ST6GALNAC3: variants seen among roughly 807,000 people sequenced by gnomAD.
ST6GALNAC3 encodes ST6 N-acetylgalactosaminide alpha-2,6-sialyltransferase 3.
A neutral mutation model predicts 32.7 loss-of-function variants in ST6GALNAC3; 25 were observed. That is an observed-to-expected ratio of 0.76 (90% CI 0.56 to 1.07). ST6GALNAC3 has a LOEUF of 1.07. ST6GALNAC3 is among the 50% of genes least tolerant of loss of function. The pLI is 0.00. For missense variants in ST6GALNAC3, 355 were observed against 382.4 expected, an observed-to-expected ratio of 0.93 and a Z score of 0.60; for synonymous variants, 129 against 133.1, an observed-to-expected ratio of 0.97 and a Z score of 0.21.
intron 1 of ST6GALNAC3, among the ~76,000 whole-genome samples, chr1:76,293,044 CT>C (rs1354851197): frequency 6.6e-6 from 1 of 152,162 alleles, no homozygotes; most frequent in Non-Finnish European, 1.5e-5. Flanking sequence ...TTTTCTTAAG[CT>C]GCCATGTCAA....
At position 76,090,892 on chromosome 1, in the gene ST6GALNAC3, G is replaced by A. The variant is rs529278595; in HGVS notation, c.18+16008G>A. On this transcript the variant is annotated intron_variant, in intron 1 of 4. Coordinates refer to ENST00000328299, the MANE Select transcript of ST6GALNAC3 (RefSeq NM_152996.4). Reference sequence around the variant, plus strand: ...AAACTAAACGTAATGGAGCCACTGAGCTGAGGAGTAGAATATTCTTCTATT... The same window carrying A: ...AAACTAAACGTAATGGAGCCACTGAACTGAGGAGTAGAATATTCTTCTATT... Among the ~76,000 whole-genome samples, 10 of 152,346 alleles carry A rather than the reference G, an allele frequency of 6.6e-5. No homozygotes were observed. In the South Asian group the frequency reaches 2.1e-3, roughly 32 times the overall value.
intron 1 of ST6GALNAC3, among the ~76,000 whole-genome samples, chr1:76,167,053 G>C (rs941399009): frequency 6.6e-6 from 1 of 152,190 alleles, no homozygotes; most frequent in Non-Finnish European, 1.5e-5. Context: ...AGAGTGGTGA[G>C]AGAGGGCATC....
chr1:76,412,461 T>G (rs1163505684), intron 3 of ST6GALNAC3, 44 bp downstream of exon 3: 1 of 1,530,916 alleles, frequency 6.5e-7, no homozygotes, highest in African/African-American at 1.4e-5. Flanking sequence ...TATTATCTTT[T>G]ATGCTAAATC....
At chr1:76,415,845 C>T (rs1654583205) in intron 3 of ST6GALNAC3, among the ~76,000 whole-genome samples, 1 of 152,014 alleles carries the variant, frequency 6.6e-6, no homozygotes, top group Non-Finnish European at 1.5e-5. Context: ...AGTATGTAAA[C>T]AATATATACT....
chr1:76,137,533 A>C (rs980924648), intron 1 of ST6GALNAC3, among the ~76,000 whole-genome samples: 2 of 152,224 alleles, frequency 1.3e-5, no homozygotes, highest in Non-Finnish European at 2.9e-5. Context: ...ATTTTGTTCA[A>C]AGTAGAAATT....
intron 3 of ST6GALNAC3, among the ~76,000 whole-genome samples, chr1:76,572,681 CAT>C: frequency 6.6e-6 from 1 of 152,224 alleles, no homozygotes; most frequent in Admixed American, 6.5e-5. Flanking sequence ...TATGTGTAAT[CAT>C]GTGTGAATCT....
At chr1:76,560,739 T>G (rs1665197394) in intron 3 of ST6GALNAC3, among the ~76,000 whole-genome samples, 1 of 152,344 alleles carries the variant, frequency 6.6e-6, no homozygotes, top group South Asian at 2.1e-4. Context: ...TTGGTGGGAA[T>G]GTAAATTAGT....
At chr1:76,368,057 C>T (rs1650518956) in intron 2 of ST6GALNAC3, among the ~76,000 whole-genome samples, 1 of 152,168 alleles carries the variant, frequency 6.6e-6, no homozygotes, top group Non-Finnish European at 1.5e-5. Flanking sequence ...AGAGAATGCT[C>T]ATCACTTTGC....
At chr1:76,461,658 T>A (rs749891601) in intron 3 of ST6GALNAC3, among the ~76,000 whole-genome samples, 3 of 152,152 alleles carry the variant, frequency 2.0e-5, no homozygotes, top group African/African-American at 4.8e-5. Context: ...GCAAGGGAAT[T>A]CTTGTCATCA....
intron 3 of ST6GALNAC3, among the ~76,000 whole-genome samples, chr1:76,426,218 T>A (rs1655373278): frequency 6.6e-6 from 1 of 151,952 alleles, no homozygotes; most frequent in African/African-American, 2.4e-5. Flanking sequence ...ATGTGTTTGC[T>A]ATTTTCTGTC....
intron 2 of ST6GALNAC3, among the ~76,000 whole-genome samples, chr1:76,324,014 CA>C (rs1375807885): frequency 3.9e-5 from 6 of 152,094 alleles, no homozygotes; most frequent in African/African-American, 1.4e-4. Flanking sequence ...TGTGCACCAC[CA>C]TGCCCGGCTT....
chr1:76,280,856 G>A (rs1659456326), intron 1 of ST6GALNAC3, among the ~76,000 whole-genome samples: 1 of 152,148 alleles, frequency 6.6e-6, no homozygotes, highest in Non-Finnish European at 1.5e-5. Flanking sequence ...CAAGGCAAAT[G>A]AGATAATACA....
intron 2 of ST6GALNAC3, among the ~76,000 whole-genome samples, chr1:76,316,877 T>A (rs1646876181): frequency 1.3e-5 from 2 of 152,166 alleles, no homozygotes; most frequent in African/African-American, 4.8e-5. Context: ...ATTCACCTAA[T>A]TCAGCAGCAG....
chr1:76,367,475 G>A (rs952423166), intron 2 of ST6GALNAC3, among the ~76,000 whole-genome samples: 3 of 152,198 alleles, frequency 2.0e-5, no homozygotes, highest in African/African-American at 7.2e-5. Context: ...TGAATGATAA[G>A]TTTACAGGAG....
At chr1:76,614,003 G>A (rs1046052326) in intron 3 of ST6GALNAC3, among the ~76,000 whole-genome samples, 22 of 152,190 alleles carry the variant, frequency 1.4e-4, no homozygotes, top group Admixed American at 1.1e-3. Flanking sequence ...TTACATCATC[G>A]TTGAGAAAAC....
intron 1 of ST6GALNAC3, among the ~76,000 whole-genome samples, chr1:76,287,903 A>G (rs1164972155): frequency 6.6e-6 from 1 of 152,190 alleles, no homozygotes; most frequent in Non-Finnish European, 1.5e-5. Flanking sequence ...CAGATGAAGA[A>G]ATGGAGGCAC....
chr1:76,367,489 A>T (rs1456099577), intron 2 of ST6GALNAC3, among the ~76,000 whole-genome samples: 3 of 152,158 alleles, frequency 2.0e-5, no homozygotes, highest in Non-Finnish European at 4.4e-5. Flanking sequence ...ACAGGAGGGT[A>T]GGGGAGAAGA....
At chr1:76,140,822 G>C (rs1415183747) in intron 1 of ST6GALNAC3, among the ~76,000 whole-genome samples, 1 of 128,020 alleles carries the variant, frequency 7.8e-6, no homozygotes, top group Non-Finnish European at 1.6e-5. Context: ...TTTTTTTTTG[G>C]TATAGAGGGT....
chr1:76,165,322 AT>A (rs1652053908), intron 1 of ST6GALNAC3, among the ~76,000 whole-genome samples: 1 of 152,088 alleles, frequency 6.6e-6, no homozygotes, highest in Non-Finnish European at 1.5e-5. Context: ...CTTCAGCTTC[AT>A]TCATGTCCCT....
Sources: gnomAD v4.1 joint callset for allele counts (sites outside exome capture counted in the v4.1 genomes callset) on GRCh38, gnomAD v4.1.1 for gene constraint, MANE v1.5 for transcripts, NCBI Gene and HGNC (gene_info 2026-07-23, HGNC 2026-07-21) for gene names.